Variants in CSNK1D observed in about 807,000 individuals in gnomAD.
CSNK1D encodes casein kinase 1 delta, also known as casein kinase I isoform delta.
A neutral mutation model predicts 46.6 loss-of-function variants in CSNK1D; 16 were observed. The ratio of observed to expected loss-of-function variants is 0.34; its 90% CI spans 0.23 to 0.52. The LOEUF is 0.52. Among genes scored for constraint, CSNK1D ranks in the 20% least tolerant of loss-of-function variants. The probability of loss-of-function intolerance (pLI) is 0.95; values close to 1 mark genes in which losing one functional copy is unlikely to be tolerated. For synonymous variants in CSNK1D, 276 were observed against 228.2 expected (o/e 1.21, Z -1.89); for missense variants, 398 against 578.4 (o/e 0.69, Z 3.20).
rs1280804968 is a variant in CSNK1D at position 82,255,105 on chromosome 17, C to T, written c.336+324G>A. 10 of 398,618 alleles carry T rather than the reference C, an allele frequency of 2.5e-5. No homozygotes were observed. Among genetic ancestry groups the T allele is most frequent in the East Asian group, 2.5e-4 (4 of 16,116 alleles). The allele number at this position is 398,618 out of a possible 1,614,324, so 24.7% of individuals were successfully genotyped here. ...CCAGTGAGCTGGGCCGCCGGAGCCT[C>T]GAGAAGCCAGTGAGCTGAGCCGTCG... On this transcript the variant is annotated intron_variant, in intron 3 of 8. Transcript: ENST00000314028. The surrounding 1 kb of genome is among the most constrained non-coding windows in gnomAD (Gnocchi z 5.9).
Position 82,244,034 on chromosome 17 carries a change from T to G in CSNK1D, c.*747A>C. 1 of 988,036 alleles carries G rather than the reference T, an allele frequency of 1.0e-6. No individual in the cohort carries two copies. The highest frequency in any genetic ancestry group is 1.2e-6 in the Non-Finnish European group (1 of 831,550). The allele number at this position is 988,036 out of a possible 1,614,324, so 61.2% of individuals were successfully genotyped here. ...CCCGCGGCAGCCTGCGGTCCCTAAC[T>G]GCTCTCCGAGGGCCTCAAGAGTTCC... On this transcript the variant is annotated 3_prime_UTR_variant, in exon 9 of 9. Transcript: ENST00000314028.
intron 2 of CSNK1D, among the ~76,000 whole-genome samples, chr17:82,258,234 T>C (rs983347959): frequency 1.3e-5 from 2 of 149,816 alleles, no homozygotes; most frequent in African/African-American, 4.9e-5. Context: ...GTTAAAGGCA[T>C]GAGGCATATA....
At chr17:82,259,833 G>C (rs576373267) in intron 2 of CSNK1D, among the ~76,000 whole-genome samples, 1 of 152,352 alleles carries the variant, frequency 6.6e-6, no homozygotes, top group East Asian at 1.9e-4. Flanking sequence ...ACTGCATCGC[G>C]TAACACTAAA....
At chr17:82,266,920 CATG>C (rs1255713594) in intron 1 of CSNK1D, 1 of 152,114 alleles carries the variant, frequency 6.6e-6, no homozygotes, top group Non-Finnish European at 1.5e-5. Flanking sequence ...ATTAGCTGGG[CATG>C]GTGGTGGGTA....
At position 82,255,555 on chromosome 17, in the gene CSNK1D, C is replaced by T; in HGVS notation, c.210G>A (p.Trp70Ter). Residue 70 changes from tryptophan (W) to a stop codon, truncating the protein, a stop_gained, in exon 3 of 9, where the codon TGG becomes TGA. Transcript: ENST00000314028. LOFTEE classifies it high-confidence loss of function. This position sits in a 1 kb window ranked among gnomAD's most constrained non-coding sequence, Gnocchi z 5.9. ...CGTTGTAGTCCCCCTCTGCCCCGCA[C>T]CATCTGATGGTGGGGATGCCCACTA... ...QGGVGIPTIR[W>*]CGAEGDYNVM... 6.2e-7 allele frequency: 1 copy of T among 1,614,186 alleles called. No individual in the cohort carries two copies. Among genetic ancestry groups the T allele is most frequent in the Non-Finnish European group, 8.5e-7 (1 of 1,180,036 alleles).
chr17:82,247,299 T>C (rs2050875090), intron 8 of CSNK1D: 1 of 985,280 alleles, frequency 1.0e-6, no homozygotes, highest in Non-Finnish European at 1.2e-6. Flanking sequence ...TGGGGGCTGG[T>C]GGCTACAACA....
Position 82,273,285 on chromosome 17 carries a change from G to A in CSNK1D, c.76+21C>T, listed in dbSNP as rs772201702. The A allele has an allele frequency of 8.1e-6, 13 of 1,597,102 alleles. No homozygotes were observed. The highest frequency in any genetic ancestry group is 1.1e-5 in the Non-Finnish European group (13 of 1,173,350). On this transcript the variant is annotated intron_variant, in intron 1 of 8. Coordinates refer to ENST00000314028, the MANE Select transcript of CSNK1D (RefSeq NM_001893.6). The surrounding 1 kb of genome is among the most constrained non-coding windows in gnomAD (Gnocchi z 5.1). Reference sequence around the variant, plus strand: ...CAGGGCCCGGGTCTTCGGGCGGCGGGCGGGGGCGGCGGGGCCTCACCGAGA... The same window carrying A: ...CAGGGCCCGGGTCTTCGGGCGGCGGACGGGGGCGGCGGGGCCTCACCGAGA...
chr17:82,272,668 GC>G (rs1406772773), intron 1 of CSNK1D, among the ~76,000 whole-genome samples: 1 of 152,186 alleles, frequency 6.6e-6, no homozygotes, highest in African/African-American at 2.4e-5. Flanking sequence ...GGGAGGGCAA[GC>G]CCCACTCCTA....
Position 82,249,866 on chromosome 17 carries a change from C to T in CSNK1D, c.886-264G>A. 2 of 1,411,724 alleles carry T rather than the reference C, an allele frequency of 1.4e-6. No individual in the cohort carries two copies. Among genetic ancestry groups the T allele is most frequent in the Non-Finnish European group, 1.8e-6 (2 of 1,084,974 alleles). 87.4% of individuals were successfully genotyped at this position (1,411,724 alleles called of 1,614,324 possible). ...GCATCTCCCTGTGGGCTCAGAACTT[C>T]CTTAAACTTCCAAATGGGCAGCAGC... is the stretch of plus-strand genomic sequence containing the variant. On this transcript the variant is annotated intron_variant, in intron 6 of 8. Coordinates refer to ENST00000314028, the MANE Select transcript of CSNK1D (RefSeq NM_001893.6). The surrounding 1 kb of genome is among the most constrained non-coding windows in gnomAD (Gnocchi z 6.7).
At chr17:82,262,566 C>T (rs975116852) in intron 2 of CSNK1D, among the ~76,000 whole-genome samples, 8 of 152,174 alleles carry the variant, frequency 5.3e-5, no homozygotes, top group African/African-American at 1.4e-4. Context: ...GAAGGAAAAC[C>T]GCAATGAGTG....
chr17:82,245,030 G>A (rs2050814535), intron 8 of CSNK1D, 199 bp from the exon 9 acceptor site: 4 of 692,112 alleles, frequency 5.8e-6, no homozygotes, highest in Admixed American at 2.3e-5. Flanking sequence ...CAGGAAGACG[G>A]GAAGGAGGAA....
intron 8 of CSNK1D, chr17:82,247,519 TC>T: frequency 1.0e-6 from 1 of 985,450 alleles, no homozygotes; most frequent in Non-Finnish European, 1.2e-6. Context: ...CCAAGTCCGG[TC>T]AGCACCCAGC....
At position 82,249,759 on chromosome 17, in the gene CSNK1D, G is replaced by A. The variant is rs2050952451; in HGVS notation, c.886-157C>T. ...CCACAGGCTGCACGTTTCTCCTCAT[G>A]GGATGACAGCATCATCCCCACAAGG... On this transcript the variant is annotated intron_variant, in intron 6 of 8. Transcript: ENST00000314028. This position sits in a 1 kb window ranked among gnomAD's most constrained non-coding sequence, Gnocchi z 6.7. 1.3e-6 allele frequency: 2 copies of A among 1,482,394 alleles called. No individual in the cohort carries two copies. Among genetic ancestry groups the A allele is most frequent in the South Asian group, 1.3e-5 (1 of 75,420 alleles). The allele number at this position is 1,482,394 out of a possible 1,614,324, so 91.8% of individuals were successfully genotyped here.
Position 82,273,300 on chromosome 17 carries a change from C to A in CSNK1D, c.76+6G>T. 6.3e-7 allele frequency: 1 copy of A among 1,599,634 alleles called. No individual in the cohort carries two copies. Among genetic ancestry groups the A allele is most frequent in the Non-Finnish European group, 8.5e-7 (1 of 1,177,230 alleles). On this transcript the variant is annotated splice_donor_region_variant and intron_variant, in intron 1 of 8. Coordinates refer to ENST00000314028, the MANE Select transcript of CSNK1D (RefSeq NM_001893.6). The surrounding 1 kb of genome is among the most constrained non-coding windows in gnomAD (Gnocchi z 5.1). ...CGGGCGGCGGGCGGGGGCGGCGGGG[C>A]CTCACCGAGATAGATGTCTCCGAAG...
At chr17:82,263,166 T>G (rs969932828) in intron 2 of CSNK1D, among the ~76,000 whole-genome samples, 3 of 152,028 alleles carry the variant, frequency 2.0e-5, no homozygotes, top group African/African-American at 7.2e-5. Flanking sequence ...GGCAACGGAG[T>G]GAGACTCTGT....
rs973204617 is a variant in CSNK1D at position 82,248,349 on chromosome 17, G to A, written c.1197+526C>T. On this transcript the variant is annotated intron_variant, in intron 8 of 8. Coordinates refer to ENST00000314028, the MANE Select transcript of CSNK1D (RefSeq NM_001893.6). The surrounding 1 kb of genome is among the most constrained non-coding windows in gnomAD (Gnocchi z 4.1). ...GGCTAGGCCTGGGCTGCGCAACAGG[G>A]TACTTCTCGTCCAAGGGAAGACAGG... 3 of 998,386 alleles carry A rather than the reference G, an allele frequency of 3.0e-6. No individual in the cohort carries two copies. The highest frequency in any genetic ancestry group is 3.5e-5 in the African/African-American group (2 of 57,402). 61.8% of individuals were successfully genotyped at this position (998,386 alleles called of 1,614,324 possible).
chr17:82,258,486 G>A (rs540116194), intron 2 of CSNK1D, among the ~76,000 whole-genome samples: 1 of 152,140 alleles, frequency 6.6e-6, no homozygotes, highest in African/African-American at 2.4e-5. Context: ...CACTCATAAA[G>A]TTCCCGACTT....
intron 3 of CSNK1D, 143 bp from the exon 4 acceptor site, chr17:82,253,387 G>A (rs2051063814): frequency 2.6e-6 from 2 of 760,418 alleles, no homozygotes; most frequent in Admixed American, 2.0e-5. Flanking sequence ...CGAGGGGGAT[G>A]CCGAACTGAC....
chr17:82,251,834 A>G lies in CSNK1D; in HGVS notation c.737-307T>C. 2.7e-6 allele frequency: 1 copy of G among 373,450 alleles called. No individual in the cohort carries two copies. Among genetic ancestry groups the G allele is most frequent in the South Asian group, 2.3e-5 (1 of 43,514 alleles). 23.1% of individuals were successfully genotyped at this position (373,450 alleles called of 1,614,324 possible). The stretch of plus-strand genomic sequence containing the variant: ...TGAAACCCCATCTCTACTGAAAAAA[A>G]AAAAAAAAAAGTTCTAGAGCGTGGT... On this transcript the variant is annotated intron_variant, in intron 5 of 8. Coordinates refer to ENST00000314028, the MANE Select transcript of CSNK1D (RefSeq NM_001893.6). The surrounding 1 kb of genome is among the most constrained non-coding windows in gnomAD (Gnocchi z 4.5).
Sources: gnomAD v4.1 joint callset for allele counts (sites outside exome capture counted in the v4.1 genomes callset) on GRCh38, gnomAD v4.1.1 for gene constraint, Gnocchi (gnomAD v3.1) non-coding constraint, MANE v1.5 for transcripts, NCBI Gene and HGNC (gene_info 2026-07-23, HGNC 2026-07-21) for gene names.